TTC7A: variants seen among roughly 807,000 people sequenced by gnomAD.
The protein encoded by TTC7A is tetratricopeptide repeat protein 7A.
TTC7A carries 110 observed loss-of-function variants against 103.7 expected under a neutral mutation model. The ratio of observed to expected loss-of-function variants is 1.06; its 90% CI spans 0.91 to 1.24. TTC7A has a LOEUF of 1.24. TTC7A is among the 50% of genes most tolerant of loss of function. TTC7A has a pLI of 0.00. For synonymous variants in TTC7A, 521 were observed against 467.9 expected (o/e 1.11, Z -1.47); for missense variants, 1,340 against 1,116.3 (o/e 1.20, Z -2.86).
At chr2:46,970,308 G>A (rs1280824382) in intron 3 of TTC7A, among the ~76,000 whole-genome samples, 1 of 152,222 alleles carries the variant, frequency 6.6e-6, no homozygotes, top group Non-Finnish European at 1.5e-5. Flanking sequence ...TTTCAAGAAG[G>A]ATGGGATTTG....
At chr2:46,980,996 C>T (rs1036918569) in intron 5 of TTC7A, among the ~76,000 whole-genome samples, 9 of 152,190 alleles carry the variant, frequency 5.9e-5, no homozygotes, top group African/African-American at 2.2e-4. Flanking sequence ...TGCACCACTG[C>T]CACGTGTCCA....
At chr2:47,029,130 T>G in intron 14 of TTC7A, 94 bp from the exon 15 acceptor site, 18 of 1,453,870 alleles carry the variant, frequency 1.2e-5, no homozygotes, top group Non-Finnish European at 1.7e-5. Flanking sequence ...TCCCTTGAGT[T>G]GAGTGTGAGT....
intron 16 of TTC7A, among the ~76,000 whole-genome samples, chr2:47,048,729 A>C (rs1034758494): frequency 6.6e-6 from 1 of 152,050 alleles, no homozygotes; most frequent in African/African-American, 2.4e-5. Flanking sequence ...CAGCCTCCCA[A>C]ATAGCTGGGA....
chr2:47,071,291 T>C (rs7569495), intron 19 of TTC7A: 132,649 of 152,190 alleles, frequency 0.87, 57,860 homozygotes, highest in East Asian at 0.95. Flanking sequence ...GACCCCAGCC[T>C]GGTGTCTCCT....
Position 47,058,688 on chromosome 2 carries a change from T to C in TTC7A, c.2153-2081T>C, listed in dbSNP as rs367837691. On this transcript the variant is annotated intron_variant, in intron 18 of 19. Transcript: ENST00000319190. ...TTCAGCATAGGCTCAGCCCCAGGAG[T>C]GGGCAGCCAAGCCTGGGGGCTGCTT... Among the ~76,000 whole-genome samples the C allele has an allele frequency of 3.8e-4, 58 of 152,190 alleles. 1 individual carries two copies. In the East Asian group the frequency reaches 9.3e-3, roughly 24 times the overall value.
At chr2:46,964,251 C>G (rs1672642302) in intron 3 of TTC7A, among the ~76,000 whole-genome samples, 2 of 152,172 alleles carry the variant, frequency 1.3e-5, no homozygotes, top group Non-Finnish European at 1.5e-5. Flanking sequence ...GGAAGAGGTG[C>G]CTTCCAGCAA....
Position 47,073,795 on chromosome 2 carries a change from CAGGGCCTGGGCGAGGT to C in TTC7A, c.2450_2465del (p.Gln817ArgfsTer109). ...GCAGAGTACGTGCCACGAGGCGTGG[CAGGGCCTGGGCGAGGT>C]GCTGCAGGCCCAGGGCCAGAACGAG... On this transcript the variant is annotated frameshift_variant, in exon 20 of 20. Transcript: ENST00000319190. LOFTEE classifies it high-confidence loss of function. The C allele has an allele frequency of 6.2e-7, 1 of 1,613,810 alleles. No individual in the cohort carries two copies. The highest frequency in any genetic ancestry group is 8.5e-7 in the Non-Finnish European group (1 of 1,180,016).
intron 7 of TTC7A, among the ~76,000 whole-genome samples, 181 bp from the exon 8 acceptor site, chr2:46,994,955 A>G (rs910492380): frequency 9.2e-5 from 14 of 152,036 alleles, no homozygotes; most frequent in African/African-American, 2.7e-4. Flanking sequence ...GCCACCACCC[A>G]CCGCAGCCTT....
chr2:47,054,170 G>A, intron 18 of TTC7A: 1 of 985,438 alleles, frequency 1.0e-6, no homozygotes, highest in Non-Finnish European at 1.2e-6. Context: ...AGGCAGTGTA[G>A]TATTAGGAGA....
intron 8 of TTC7A, among the ~76,000 whole-genome samples, chr2:46,996,014 G>C (rs1357427483): frequency 6.6e-6 from 1 of 152,248 alleles, no homozygotes; most frequent in Non-Finnish European, 1.5e-5. Flanking sequence ...CTCATGTCCT[G>C]GGCAGGAAGA....
intron 13 of TTC7A, 103 bp downstream of exon 13, chr2:47,023,568 C>A: frequency 8.1e-7 from 1 of 1,242,134 alleles, no homozygotes; most frequent in Non-Finnish European, 1.2e-6. Flanking sequence ...ACAAACATTT[C>A]TATCTCCATT....
At chr2:47,024,617 C>G in intron 14 of TTC7A, among the ~76,000 whole-genome samples, 1 of 152,094 alleles carries the variant, frequency 6.6e-6, no homozygotes, top group East Asian at 1.9e-4. Flanking sequence ...TTTCAGTGGA[C>G]TGAGATGTTG....
intron 5 of TTC7A, among the ~76,000 whole-genome samples, chr2:46,984,177 A>G (rs1325608655): frequency 1.3e-5 from 2 of 152,238 alleles, no homozygotes; most frequent in Non-Finnish European, 2.9e-5. Context: ...TTCTGTGCAC[A>G]GGGCCCGGCT....
At chr2:47,068,861 T>TCA (rs1558649698) in intron 19 of TTC7A, among the ~76,000 whole-genome samples, 62 of 50,432 alleles carry the variant, frequency 1.2e-3, no homozygotes, top group Admixed American at 1.8e-3. Flanking sequence ...ATCAATTTTT[T>TCA]CAAAAAAAAA....
At chr2:47,034,762 G>A (rs544980138) in intron 15 of TTC7A, among the ~76,000 whole-genome samples, 47 of 152,282 alleles carry the variant, frequency 3.1e-4, no homozygotes, top group Admixed American at 2.0e-3. Flanking sequence ...TGGAACCTCC[G>A]TCGGTCAGGG....
intron 18 of TTC7A, among the ~76,000 whole-genome samples, chr2:47,052,546 C>A (rs1462288391): frequency 6.6e-6 from 1 of 152,176 alleles, no homozygotes; most frequent in Non-Finnish European, 1.5e-5. Flanking sequence ...CAGCATGGCC[C>A]CACGGACAGC....
At chr2:46,991,086 T>C (rs1244736280) in intron 5 of TTC7A, among the ~76,000 whole-genome samples, 1 of 152,072 alleles carries the variant, frequency 6.6e-6, no homozygotes, top group Non-Finnish European at 1.5e-5. Context: ...TAGTTAATTT[T>C]TGTAGTTTTA....
At chr2:46,922,434 G>A (rs1669154016) in intron 2 of TTC7A, among the ~76,000 whole-genome samples, 1 of 152,104 alleles carries the variant, frequency 6.6e-6, no homozygotes, top group Admixed American at 6.6e-5. Context: ...TACATTTTTA[G>A]TTATTTTTTT....
chr2:47,074,149 CT>C lies in TTC7A; in HGVS notation c.*229del, dbSNP rs567131542. ...ACAGTCTGACTTGAACCCTAAGTGC[CT>C]TTGGAGAGTTTTGTGGTGACCAGAC... On this transcript the variant is annotated 3_prime_UTR_variant, in exon 20 of 20. Coordinates refer to ENST00000319190, the MANE Select transcript of TTC7A (RefSeq NM_020458.4). The C allele has an allele frequency of 2.6e-4, 147 of 576,380 alleles. No individual in the cohort carries two copies. The African/African-American group carries it at 2.7e-3, about 10-fold the overall frequency. The allele number at this position is 576,380 out of a possible 1,614,324, so 35.7% of individuals were successfully genotyped here. A position where few individuals can be genotyped will look rare whatever the true frequency, so the allele number is the denominator to read the frequency against.
Sources: allele counts gnomAD v4.1 joint callset (sites outside exome capture counted in the v4.1 genomes callset), GRCh38; gene constraint gnomAD v4.1.1; transcripts MANE v1.5; gene names NCBI Gene and HGNC (gene_info 2026-07-23, HGNC 2026-07-21).